NAV2: variants seen among roughly 807,000 people sequenced by gnomAD.
NAV2 encodes the protein helicase, APC down-regulated 1.
Under a neutral mutation model 223.2 loss-of-function variants are expected in NAV2, and 54 were observed. The ratio of observed to expected loss-of-function variants is 0.24; its 90% confidence interval spans 0.19 to 0.30. The LOEUF (loss-of-function observed/expected upper bound fraction) is 0.30. NAV2 is among the 10% of genes least tolerant of loss of function. The probability of loss-of-function intolerance (pLI) is 1.00; values close to 1 mark genes in which losing one functional copy is unlikely to be tolerated. For missense variants in NAV2, 2,806 were observed against 3,147.5 expected (o/e 0.89, Z 2.60); for synonymous variants, 1,279 against 1,239.3 (o/e 1.03, Z -0.67).
chr11:19,825,696 G>A (rs972159474), intron 1 of NAV2, among the ~76,000 whole-genome samples: 1 of 152,270 alleles, frequency 6.6e-6, no homozygotes, highest in African/African-American at 2.4e-5. Context: ...ACTTAGCAGT[G>A]TTATTATCCC....
chr11:19,779,950 G>A (rs1425866595), intron 1 of NAV2, among the ~76,000 whole-genome samples: 1 of 152,190 alleles, frequency 6.6e-6, no homozygotes, highest in Non-Finnish European at 1.5e-5. Context: ...TGGGGCCAGA[G>A]GTGTGTGCCC....
chr11:19,539,633 A>G (rs1295524797), intron 1 of NAV2, among the ~76,000 whole-genome samples: 2 of 152,014 alleles, frequency 1.3e-5, no homozygotes, highest in African/African-American at 4.8e-5. Context: ...TTCTTAGGGG[A>G]TGGGAGCAAA....
chr11:19,677,102 C>T (rs1226602266), intron 1 of NAV2, among the ~76,000 whole-genome samples: 1 of 152,236 alleles, frequency 6.6e-6, no homozygotes, highest in African/African-American at 2.4e-5. Flanking sequence ...CTTGTCCCTA[C>T]AGGCCTCTGG....
chr11:19,413,883 C>T (rs7396637), intron 1 of NAV2, among the ~76,000 whole-genome samples: 106,120 of 151,914 alleles, frequency 0.7, 37,114 homozygotes, highest in Admixed American at 0.72. Context: ...GCTGATTTTA[C>T]CACCACCAGG....
chr11:20,103,474 T>G, intron 33 of NAV2, 65 bp downstream of exon 33: 4 of 1,566,172 alleles, frequency 2.6e-6, no homozygotes, highest in Non-Finnish European at 3.5e-6. Flanking sequence ...TGGGGCACTG[T>G]GCACACAGGT....
At chr11:20,058,838 T>C (rs1400101466) in intron 19 of NAV2, among the ~76,000 whole-genome samples, 1 of 152,178 alleles carries the variant, frequency 6.6e-6, no homozygotes, top group Non-Finnish European at 1.5e-5. Flanking sequence ...TTGGAAAGCA[T>C]TTAACAAATA....
intron 10 of NAV2, among the ~76,000 whole-genome samples, chr11:19,969,259 T>A (rs1565666810): frequency 1.3e-5 from 2 of 152,214 alleles, no homozygotes; most frequent in East Asian, 3.9e-4. Flanking sequence ...AAGTTCAGGA[T>A]GCCTTAGGGT....
intron 30 of NAV2, 65 bp downstream of exon 30, chr11:20,095,832 A>G: frequency 8.3e-7 from 1 of 1,208,094 alleles, no homozygotes. Flanking sequence ...CTGGGGAGGA[A>G]AAGAGAGGTT....
rs1312570797 is a variant in NAV2, at chr11:20,118,587, G to C, written c.*329G>C. The C allele has an allele frequency of 1.5e-3, 122 of 79,762 alleles. No homozygotes were observed. The highest frequency in any genetic ancestry group is 1.9e-3 in the Non-Finnish European group (60 of 31,496). 4.9% of individuals were successfully genotyped at this position (79,762 alleles called of 1,614,324 possible). A position where few individuals can be genotyped will look rare whatever the true frequency, so the allele number is the denominator to read the frequency against. Reference sequence around the variant, plus strand: ...GTTGAAATGAAAAGAGAGACAGAGAGAAAAAAAAAAAGAGAACCCACATGA... The same window carrying C: ...GTTGAAATGAAAAGAGAGACAGAGACAAAAAAAAAAAGAGAACCCACATGA... On this transcript the variant is annotated 3_prime_UTR_variant, in exon 38 of 38. Coordinates refer to ENST00000349880, the MANE Select transcript of NAV2 (RefSeq NM_145117.5).
At chr11:19,597,484 A>G (rs938560035) in intron 1 of NAV2, among the ~76,000 whole-genome samples, 19 of 152,096 alleles carry the variant, frequency 1.2e-4, no homozygotes, top group Admixed American at 1.0e-3. Context: ...AATATGACTA[A>G]TATCTCTTGG....
chr11:19,854,487 C>T (rs1404036910), intron 3 of NAV2, among the ~76,000 whole-genome samples: 1 of 152,156 alleles, frequency 6.6e-6, no homozygotes, highest in African/African-American at 2.4e-5. Context: ...GATTGGCACG[C>T]AACAGGCAAA....
intron 1 of NAV2, among the ~76,000 whole-genome samples, chr11:19,517,594 T>C (rs1448252081): frequency 2.6e-5 from 4 of 152,224 alleles, no homozygotes; most frequent in Non-Finnish European, 5.9e-5. Context: ...GGTTCAGAAG[T>C]CATTCCAGAA....
At chr11:19,407,083 T>C (rs551078953) in intron 1 of NAV2, among the ~76,000 whole-genome samples, 1 of 152,330 alleles carries the variant, frequency 6.6e-6, no homozygotes, top group Admixed American at 6.5e-5. Flanking sequence ...CTGACCCTAC[T>C]TGGCAGGATG....
chr11:19,471,810 G>A (rs2133937496), intron 1 of NAV2, among the ~76,000 whole-genome samples: 1 of 152,272 alleles, frequency 6.6e-6, no homozygotes, highest in East Asian at 1.9e-4. Context: ...CACCCGCGTG[G>A]CTGCCAGAGC....
chr11:19,902,578 G>A (rs1231692521), intron 6 of NAV2, among the ~76,000 whole-genome samples: 1 of 152,194 alleles, frequency 6.6e-6, no homozygotes, highest in African/African-American at 2.4e-5. Flanking sequence ...AAAATGACTA[G>A]TTGATGTTCA....
chr11:20,038,678 C>T (rs892910072), intron 12 of NAV2, among the ~76,000 whole-genome samples: 1 of 152,186 alleles, frequency 6.6e-6, no homozygotes, highest in Non-Finnish European at 1.5e-5. Context: ...ATTTGGGTTC[C>T]TGTCACATAC....
At chr11:19,645,228 A>G (rs769692039) in intron 1 of NAV2, among the ~76,000 whole-genome samples, 3 of 152,000 alleles carry the variant, frequency 2.0e-5, no homozygotes, top group Non-Finnish European at 4.4e-5. Flanking sequence ...CCCTTCCTCC[A>G]TCTTCGAGGC....
chr11:19,547,897 G>C (rs1280712110), intron 1 of NAV2, among the ~76,000 whole-genome samples: 1 of 152,216 alleles, frequency 6.6e-6, no homozygotes, highest in Non-Finnish European at 1.5e-5. Context: ...ATTGCAGTCT[G>C]GATAGTAAAT....
At chr11:19,964,222 T>C (rs2048566363) in intron 10 of NAV2, among the ~76,000 whole-genome samples, 1 of 152,146 alleles carries the variant, frequency 6.6e-6, no homozygotes, top group Admixed American at 6.5e-5. Context: ...CTTTGCAAGC[T>C]GGTGTAGCTA....
Sources: gnomAD v4.1 joint callset for allele counts (sites outside exome capture counted in the v4.1 genomes callset) on GRCh38, gnomAD v4.1.1 for gene constraint, MANE v1.5 for transcripts, NCBI Gene and HGNC (gene_info 2026-07-23, HGNC 2026-07-21) for gene names.